TRPV2: variants seen among roughly 807,000 people sequenced by gnomAD.
TRPV2 encodes the protein transient receptor potential cation channel subfamily V member 2.
TRPV2 carries 58 observed loss-of-function variants against 91.0 expected under a neutral mutation model. The observed-to-expected ratio is 0.64, with a 90% CI of 0.52 to 0.79. TRPV2 has a LOEUF of 0.79. TRPV2 is among the 30% of genes least tolerant of loss of function. The pLI is 0.00. For missense variants in TRPV2, 807 were observed against 969.6 expected (o/e 0.83, Z 2.23); for synonymous variants, 417 against 414.8 (o/e 1.01, Z -0.06).
chr17:16,423,404 A>T, intron 4 of TRPV2, 65 bp from the exon 5 acceptor site: 2 of 1,528,078 alleles, frequency 1.3e-6, no homozygotes, highest in African/African-American at 2.7e-5. Context: ...TTGTCCAAGG[A>T]GCATGAGGAG....
rs2093429677 is a variant in TRPV2, at chr17:16,435,044, T to C, written c.2194+75T>C. 3.0e-6 allele frequency: 4 copies of C among 1,337,738 alleles called. No individual in the cohort carries two copies. Among genetic ancestry groups the C allele is most frequent in the Non-Finnish European group, 4.1e-6 (4 of 976,798 alleles). The allele number at this position is 1,337,738 out of a possible 1,614,324, so 82.9% of individuals were successfully genotyped here. On this transcript the variant is annotated intron_variant, in intron 14 of 14. Transcript: ENST00000338560. The surrounding 1 kb of genome is among the most constrained non-coding windows in gnomAD (Gnocchi z 4.2). ...TGCTTGGCCACAAAGCCTTGGAGAG[T>C]CTGGGGCAGGACCCAGAGACCTCCT...
intron 12 of TRPV2, 75 bp from the exon 13 acceptor site, chr17:16,433,499 C>A: frequency 6.3e-7 from 1 of 1,577,318 alleles, no homozygotes; most frequent in Non-Finnish European, 8.6e-7. Context: ...CACTTCCCTG[C>A]TCCGCTTGCC....
At chr17:16,422,986 T>C in intron 4 of TRPV2, 97 bp downstream of exon 4, 1 of 1,410,270 alleles carries the variant, frequency 7.1e-7, no homozygotes. Context: ...CAGTTAAACC[T>C]AGGTTTTTCT....
chr17:16,433,096 T>C (rs1160194409), intron 12 of TRPV2: 1 of 155,992 alleles, frequency 6.4e-6, no homozygotes, highest in Non-Finnish European at 1.4e-5. Context: ...TGAGCCACCA[T>C]GCCCCACCCT....
chr17:16,424,675 TTC>T (rs2142993005), intron 5 of TRPV2, among the ~76,000 whole-genome samples: 1 of 152,306 alleles, frequency 6.6e-6, no homozygotes, highest in South Asian at 2.1e-4. Context: ...TATTTTGCTA[TTC>T]TGTTTCTGCA....
At chr17:16,420,274 G>T (rs754758369) in intron 3 of TRPV2, 26 bp downstream of exon 3, 1 of 1,587,382 alleles carries the variant, frequency 6.3e-7, no homozygotes, top group Admixed American at 1.7e-5. Context: ...TGGATCCAAG[G>T]CTAGGCATCC....
Position 16,433,611 on chromosome 17 carries a change from G to T in TRPV2, c.2027G>T (p.Trp676Leu). ...ISVLEMENGY[W>L]WCRKKQRAGV... ...GTCCTGGAGATGGAGAATGGCTATTGGTGGTGCAGGAAGAAGCAGCGGGCA... is the reference window on the plus strand; with the variant it reads ...GTCCTGGAGATGGAGAATGGCTATTTGTGGTGCAGGAAGAAGCAGCGGGCA... Residue 676 changes from tryptophan (W) to leucine (L), a missense_variant, in exon 13 of 15, where the codon TGG becomes TTG. Transcript: ENST00000338560. The T allele has an allele frequency of 6.2e-7, 1 of 1,614,182 alleles. No homozygotes were observed. The highest frequency in any genetic ancestry group is 8.5e-7 in the Non-Finnish European group (1 of 1,180,038).
intron 12 of TRPV2, 138 bp downstream of exon 12, chr17:16,432,438 C>CA: frequency 1.7e-6 from 1 of 592,386 alleles, no homozygotes; most frequent in Non-Finnish European, 2.7e-6. Flanking sequence ...TCTTCCTCTT[C>CA]CTTTTTTTTT....
In TRPV2 at chr17:16,431,281, A is replaced by T. The variant is rs1408180483; in HGVS notation, c.1588-503A>T. On this transcript the variant is annotated intron_variant, in intron 10 of 14. Transcript: ENST00000338560. ...CATATATATATATATATATATATAT[A>T]TATATACATATTTTTTTTTTTTTTT... is the stretch of plus-strand genomic sequence containing the variant. Among the ~76,000 whole-genome samples, 167 of 59,442 alleles carry T rather than the reference A, an allele frequency of 2.8e-3. 2 individuals are homozygous for T. The highest frequency in any genetic ancestry group is 0.011 in the African/African-American group (158 of 14,922). The allele number at this position is 59,442 out of a possible 152,430, so 39.0% of individuals were successfully genotyped here.
At chr17:16,433,368 TG>T in intron 12 of TRPV2, 1 of 606,796 alleles carries the variant, frequency 1.6e-6, no homozygotes, top group Non-Finnish European at 2.8e-6. Flanking sequence ...AGTCTACAAA[TG>T]GGGAAACTGA....
At chr17:16,431,256 C>CATATATATATATATATATAT (rs60066961) in intron 10 of TRPV2, among the ~76,000 whole-genome samples, 3 of 67,800 alleles carry the variant, frequency 4.4e-5, no homozygotes, top group African/African-American at 2.1e-4. Context: ...TGATCTGAGA[C>CATATATATATATATATATAT]ATATATATAT....
chr17:16,423,015 C>A, intron 4 of TRPV2, 126 bp downstream of exon 4: 1 of 1,189,276 alleles, frequency 8.4e-7, no homozygotes, highest in Non-Finnish European at 1.1e-6. Context: ...TGCCCTGCTT[C>A]TAACCACTAG....
intron 10 of TRPV2, among the ~76,000 whole-genome samples, chr17:16,431,524 C>T (rs2093412569): frequency 6.6e-6 from 1 of 151,794 alleles, no homozygotes; most frequent in Non-Finnish European, 1.5e-5. Context: ...GTCTTGAACT[C>T]CCAACCTCAG....
At position 16,436,929 on chromosome 17, in the gene TRPV2, G is replaced by A; in HGVS notation, c.*40G>A. 2 of 1,532,634 alleles carry A rather than the reference G, an allele frequency of 1.3e-6. No homozygotes were observed. Among genetic ancestry groups the A allele is most frequent in the East Asian group, 2.3e-5 (1 of 44,286 alleles). 94.9% of individuals were successfully genotyped at this position (1,532,634 alleles called of 1,614,324 possible). Reference sequence around the variant, plus strand: ...CAGGAGGCCAGAGGACAGAGCAGAGGATCTTTCCAACCACATCTGCTGGCT... The same window carrying A: ...CAGGAGGCCAGAGGACAGAGCAGAGAATCTTTCCAACCACATCTGCTGGCT... On this transcript the variant is annotated 3_prime_UTR_variant, in exon 15 of 15. Transcript: ENST00000338560.
chr17:16,428,677 T>G, intron 9 of TRPV2, 140 bp from the exon 10 acceptor site: 1 of 923,772 alleles, frequency 1.1e-6, no homozygotes, highest in Non-Finnish European at 1.6e-6. Flanking sequence ...TATGCCCATT[T>G]TACAGTGGGA....
In TRPV2 at chr17:16,426,981, G is replaced by T; in HGVS notation, c.1251+104G>T. The T allele has an allele frequency of 7.4e-7, 1 of 1,345,592 alleles. No individual in the cohort carries two copies. Among genetic ancestry groups the T allele is most frequent in the Non-Finnish European group, 1.0e-6 (1 of 985,394 alleles). 83.4% of individuals were successfully genotyped at this position (1,345,592 alleles called of 1,614,324 possible). On this transcript the variant is annotated intron_variant, in intron 7 of 14. Transcript: ENST00000338560. This position sits in a 1 kb window ranked among gnomAD's most constrained non-coding sequence, Gnocchi z 6.0. ...TAGTGCTGAGGCATGGGCTGCTGGA[G>T]TGACATTCCCAAGCTTATGGGAGCC...
intron 12 of TRPV2, chr17:16,433,302 G>T: frequency 2.6e-6 from 1 of 392,068 alleles, no homozygotes; most frequent in Non-Finnish European, 4.8e-6. Context: ...GCAAGTAGCT[G>T]TCCAGTACTC....
intron 13 of TRPV2, 195 bp from the exon 14 acceptor site, chr17:16,434,695 C>T: frequency 1.9e-6 from 1 of 525,558 alleles, no homozygotes; most frequent in Non-Finnish European, 3.3e-6. Flanking sequence ...TGCAAGTGAG[C>T]ACCTGCCTCA....
chr17:16,419,904 A>G lies in TRPV2; in HGVS notation c.201-211A>G, dbSNP rs144505684. 3.9e-5 allele frequency among the ~76,000 whole-genome samples: 6 copies of G among 152,332 alleles called. No individual in the cohort carries two copies. In the East Asian group the frequency reaches 1.2e-3, roughly 29 times the overall value. On this transcript the variant is annotated intron_variant, in intron 2 of 14. Transcript: ENST00000338560. ...TGGCGTCATGGGGATGAAGCAGCTTAGTGCCTGGACAGGCCCCTTTTCCTC... is the reference window on the plus strand; with the variant it reads ...TGGCGTCATGGGGATGAAGCAGCTTGGTGCCTGGACAGGCCCCTTTTCCTC...
Sources: gnomAD v4.1 joint callset for allele counts (sites outside exome capture counted in the v4.1 genomes callset) on GRCh38, gnomAD v4.1.1 for gene constraint, Gnocchi (gnomAD v3.1) non-coding constraint, MANE v1.5 for transcripts, NCBI Gene and HGNC (gene_info 2026-07-23, HGNC 2026-07-21) for gene names.